MCF2L2: variants seen among roughly 807,000 people sequenced by gnomAD.
The protein encoded by MCF2L2 is MCF.2 cell line derived transforming sequence-like 2.
MCF2L2 carries 102 observed loss-of-function variants against 150.2 expected under a neutral mutation model. The ratio of observed to expected loss-of-function variants is 0.68; its 90% CI spans 0.58 to 0.80. MCF2L2 has a LOEUF of 0.80. Ranked by LOEUF, MCF2L2 falls within the 30% of genes least tolerant of loss-of-function variation. The pLI is 0.00. For missense variants in MCF2L2, 1,256 were observed against 1,372.8 expected (o/e 0.91, Z 1.34); for synonymous variants, 465 against 491.3 (o/e 0.95, Z 0.71).
chr3:183,379,380 G>A lies in MCF2L2; in HGVS notation c.192C>T (p.Ile64=). 1.2e-6 allele frequency: 2 copies of A among 1,610,826 alleles called. No homozygotes were observed. Among genetic ancestry groups the A allele is most frequent in the Non-Finnish European group, 1.7e-6 (2 of 1,178,718 alleles). ...TGAACCCCGAAAACTCTGGGAACGT[G>A]ATGATGGGGGCGCCATCCTCCCCTC... ...GGRGEDGAPI[I]TFPEFSGFKH... is the part of the protein sequence containing the mutation. The change falls in exon 3 of 30, where the codon ATC becomes ATT. Residue 64 remains isoleucine (I), a synonymous_variant. Transcript: ENST00000328913.
intron 15 of MCF2L2, among the ~76,000 whole-genome samples, chr3:183,231,408 T>C (rs2084842246): frequency 6.7e-6 from 1 of 148,452 alleles, no homozygotes; most frequent in Non-Finnish European, 1.5e-5. Context: ...GTATACATTG[T>C]ATAAGTGGTT....
rs200528126 is a variant in MCF2L2 at position 183,286,005 on chromosome 3, ACC to A, written c.1776+3113_1776+3114del. On this transcript the variant is annotated intron_variant, in intron 14 of 29. Coordinates refer to ENST00000328913, the MANE Select transcript of MCF2L2 (RefSeq NM_015078.4). ...CCAACAAGCACAGCGAATCGCTTCCACCACCGGGCTTTCCCAGATGACGTCAG... is the reference window on the plus strand; with the variant it reads ...CCAACAAGCACAGCGAATCGCTTCCAACCGGGCTTTCCCAGATGACGTCAG... Among the ~76,000 whole-genome samples, 490 of 152,266 alleles carry A rather than the reference ACC, an allele frequency of 3.2e-3. 3 individuals are homozygous for A. The highest frequency in any genetic ancestry group is 5.4e-3 in the Non-Finnish European group (367 of 68,008).
intron 22 of MCF2L2, among the ~76,000 whole-genome samples, chr3:183,208,189 G>A (rs1722566648): frequency 6.6e-6 from 1 of 152,214 alleles, no homozygotes; most frequent in Admixed American, 6.5e-5. Context: ...AAAGGGACAA[G>A]AAATTAACAT....
At chr3:183,333,554 A>T (rs1391394661) in intron 5 of MCF2L2, among the ~76,000 whole-genome samples, 1 of 152,156 alleles carries the variant, frequency 6.6e-6, no homozygotes, top group Non-Finnish European at 1.5e-5. Flanking sequence ...TCTCAAGATG[A>T]TCTATGCACA....
intron 5 of MCF2L2, among the ~76,000 whole-genome samples, chr3:183,335,607 C>A (rs74776254): frequency 0.087 from 13,144 of 151,926 alleles, 1,265 homozygotes; most frequent in African/African-American, 0.23. Context: ...GTGGCTCACA[C>A]CTATAATCCC....
intron 3 of MCF2L2, chr3:183,374,907 A>C (rs1471112183): frequency 6.6e-6 from 1 of 152,170 alleles, no homozygotes; most frequent in Non-Finnish European, 1.5e-5. Flanking sequence ...AGGAGAGTGA[A>C]AGTGACACAA....
intron 10 of MCF2L2, among the ~76,000 whole-genome samples, chr3:183,309,098 G>A (rs2056956764): frequency 6.6e-6 from 1 of 152,158 alleles, no homozygotes; most frequent in Admixed American, 6.5e-5. Context: ...CTGGGACACT[G>A]TTTAATTCCA....
intron 1 of MCF2L2, among the ~76,000 whole-genome samples, chr3:183,405,456 G>A (rs554210425): frequency 6.7e-6 from 1 of 149,714 alleles, no homozygotes; most frequent in Admixed American, 6.7e-5. Flanking sequence ...CAATATAGTT[G>A]ATTGCCCCTG....
Position 183,311,047 on chromosome 3 carries a change from G to A in MCF2L2, c.879-18C>T, listed in dbSNP as rs201307990. 2,747 of 1,489,468 alleles carry A rather than the reference G, an allele frequency of 1.8e-3. 5 individuals are homozygous for A. The highest frequency in any genetic ancestry group is 2.5e-3 in the Non-Finnish European group (2,660 of 1,067,136). 92.3% of individuals were successfully genotyped at this position (1,489,468 alleles called of 1,614,324 possible). ...CTAATAACCTTTCAAGAAAGAATGA[G>A]AAAGTGATGTTAGGTTAGCATTCAT... On this transcript the variant is annotated intron_variant, in intron 8 of 29. Transcript: ENST00000328913.
chr3:183,274,771 CTCTT>C (rs569950075), intron 15 of MCF2L2, among the ~76,000 whole-genome samples: 20 of 152,316 alleles, frequency 1.3e-4, no homozygotes, highest in African/African-American at 4.6e-4. Context: ...TATTCGATGT[CTCTT>C]TGAGTCAGTT....
chr3:183,340,813 C>A (rs985369861), intron 4 of MCF2L2, among the ~76,000 whole-genome samples: 2 of 152,192 alleles, frequency 1.3e-5, no homozygotes. Context: ...CGTGGTGGTG[C>A]ACGCCTGCAA....
chr3:183,228,835 C>T (rs1306444977), intron 17 of MCF2L2, among the ~76,000 whole-genome samples: 1 of 152,102 alleles, frequency 6.6e-6, no homozygotes, highest in Admixed American at 6.6e-5. Context: ...TTACTAATAT[C>T]ATTGACAGCT....
At chr3:183,399,061 T>C (rs1476263727) in intron 1 of MCF2L2, among the ~76,000 whole-genome samples, 1 of 152,182 alleles carries the variant, frequency 6.6e-6, no homozygotes, top group Admixed American at 6.5e-5. Context: ...ATATATACAC[T>C]TCAATTCAAG....
intron 15 of MCF2L2, 180 bp downstream of exon 15, chr3:183,276,692 T>G: frequency 2.1e-6 from 1 of 468,464 alleles, no homozygotes; most frequent in Non-Finnish European, 3.8e-6. Flanking sequence ...GCTCTTTTGC[T>G]TGTTGCTTTT....
intron 3 of MCF2L2, among the ~76,000 whole-genome samples, chr3:183,355,547 C>A (rs1459193087): frequency 1.3e-5 from 2 of 150,164 alleles, no homozygotes; most frequent in South Asian, 2.1e-4. Flanking sequence ...CCCGGGTTCA[C>A]ACCATTCTCC....
At chr3:183,391,641 CA>C in intron 1 of MCF2L2, among the ~76,000 whole-genome samples, 1 of 152,144 alleles carries the variant, frequency 6.6e-6, no homozygotes. Context: ...AACATGCTGA[CA>C]AAATGTGGAT....
At chr3:183,321,431 C>G (rs1375753863) in intron 6 of MCF2L2, among the ~76,000 whole-genome samples, 2 of 136,484 alleles carry the variant, frequency 1.5e-5, no homozygotes, top group African/African-American at 2.9e-5. Context: ...GAGCAAGACT[C>G]TGTCTCAAAA....
intron 1 of MCF2L2, among the ~76,000 whole-genome samples, chr3:183,393,674 T>C (rs761396458): frequency 2.6e-5 from 4 of 152,184 alleles, no homozygotes; most frequent in Non-Finnish European, 5.9e-5. Context: ...ATACAGACGG[T>C]ATCAAAGGCC....
chr3:183,394,510 G>T (rs537808277), intron 1 of MCF2L2, among the ~76,000 whole-genome samples: 1 of 152,348 alleles, frequency 6.6e-6, no homozygotes, highest in African/African-American at 2.4e-5. Flanking sequence ...GCCAGCCCAT[G>T]GGGCATAATG....
Sources: gnomAD v4.1 joint callset for allele counts (sites outside exome capture counted in the v4.1 genomes callset) on GRCh38, gnomAD v4.1.1 for gene constraint, MANE v1.5 for transcripts, NCBI Gene and HGNC (gene_info 2026-07-23, HGNC 2026-07-21) for gene names.